Variants in LRP1B observed in about 807,000 individuals in gnomAD.
LRP1B encodes the protein low-density lipoprotein receptor-related protein 1B.
A neutral mutation model predicts 556.6 loss-of-function variants in LRP1B; 217 were observed. The ratio of observed to expected loss-of-function variants is 0.39; its 90% CI spans 0.35 to 0.44. LRP1B has a LOEUF of 0.44. Among genes scored for constraint, LRP1B ranks in the 20% least tolerant of loss-of-function variants. The pLI, the probability that LRP1B is intolerant of heterozygous loss-of-function variation, is 1.00. For missense variants in LRP1B, 5,053 were observed against 5,620.8 expected (o/e 0.90, Z 3.23); for synonymous variants, 2,047 against 1,865.8 (o/e 1.10, Z -2.50).
intron 47 of LRP1B, among the ~76,000 whole-genome samples, chr2:140,529,432 A>AGGG (rs201815905): frequency 6.3e-4 from 63 of 99,348 alleles, no homozygotes; most frequent in African/African-American, 2.9e-3. Context: ...GAAGCTGAAA[A>AGGG]GGGGGGGGGG....
intron 2 of LRP1B, among the ~76,000 whole-genome samples, chr2:141,543,765 A>G (rs1243060426): frequency 1.3e-5 from 2 of 151,964 alleles, no homozygotes; most frequent in East Asian, 3.9e-4. Context: ...ACAGATAAAC[A>G]AAAACTTATT....
chr2:141,066,306 G>A (rs1699479933), intron 7 of LRP1B, among the ~76,000 whole-genome samples: 1 of 151,848 alleles, frequency 6.6e-6, no homozygotes, highest in Non-Finnish European at 1.5e-5. Flanking sequence ...GTGATTATAT[G>A]AGCAGCCCCG....
At chr2:141,154,202 C>A (rs572946744) in intron 7 of LRP1B, among the ~76,000 whole-genome samples, 6 of 151,988 alleles carry the variant, frequency 3.9e-5, no homozygotes, top group African/African-American at 1.4e-4. Context: ...GTTTCTAACT[C>A]TGTTACTGAC....
chr2:141,146,544 T>C (rs899706345), intron 7 of LRP1B, among the ~76,000 whole-genome samples: 5 of 152,202 alleles, frequency 3.3e-5, no homozygotes, highest in Non-Finnish European at 7.4e-5. Flanking sequence ...TATTTCTTAC[T>C]TCACAAATGT....
At chr2:141,413,556 A>G (rs1013391152) in intron 3 of LRP1B, among the ~76,000 whole-genome samples, 2 of 152,184 alleles carry the variant, frequency 1.3e-5, no homozygotes, top group African/African-American at 4.8e-5. Flanking sequence ...GAACATCAAG[A>G]TAATAAATTT....
At chr2:142,001,670 T>C (rs911956968) in intron 1 of LRP1B, among the ~76,000 whole-genome samples, 2 of 152,210 alleles carry the variant, frequency 1.3e-5, no homozygotes, top group Non-Finnish European at 2.9e-5. Context: ...TCTCCGTTTA[T>C]TAAATGTTGA....
intron 66 of LRP1B, among the ~76,000 whole-genome samples, chr2:140,422,641 G>C (rs912389591): frequency 7.2e-5 from 11 of 152,122 alleles, no homozygotes; most frequent in Non-Finnish European, 1.5e-4. Context: ...AAAGGATAAC[G>C]TTAGGTTATT....
intron 32 of LRP1B, among the ~76,000 whole-genome samples, chr2:140,791,063 G>A (rs1009171476): frequency 6.6e-6 from 1 of 151,746 alleles, no homozygotes; most frequent in African/African-American, 2.4e-5. Flanking sequence ...AGACCATCCT[G>A]GCCAACATGG....
intron 37 of LRP1B, 67 bp downstream of exon 37, chr2:140,715,905 GT>G (rs939138523): frequency 1.3e-5 from 17 of 1,302,240 alleles, no homozygotes; most frequent in East Asian, 9.5e-5. Flanking sequence ...AAAGTAATTA[GT>G]TTTTTTTCAA....
chr2:141,990,706 C>T (rs1227805807), intron 1 of LRP1B, among the ~76,000 whole-genome samples: 1 of 151,996 alleles, frequency 6.6e-6, no homozygotes, highest in Non-Finnish European at 1.5e-5. Flanking sequence ...ATTTTTAATG[C>T]ATACAATATT....
At chr2:141,310,787 T>C (rs1312820108) in intron 3 of LRP1B, among the ~76,000 whole-genome samples, 1 of 152,204 alleles carries the variant, frequency 6.6e-6, no homozygotes, top group African/African-American at 2.4e-5. Context: ...TGAAATACAT[T>C]GATGCCCATG....
At position 141,792,701 on chromosome 2, in the gene LRP1B, G is replaced by A. The variant is rs72987310; in HGVS notation, c.205+17578C>T. Among the ~76,000 whole-genome samples the A allele has an allele frequency of 2.5e-3, 383 of 151,990 alleles. 1 individual carries two copies. The highest frequency in any genetic ancestry group is 8.5e-3 in the African/African-American group (353 of 41,498). Reference sequence around the variant, plus strand: ...GGACACTTCATTTCTATTTCTATGAGGTCCATCCTATGACACACAAATCAG... The same window carrying A: ...GGACACTTCATTTCTATTTCTATGAAGTCCATCCTATGACACACAAATCAG... On this transcript the variant is annotated intron_variant, in intron 2 of 90. Transcript: ENST00000389484.
intron 2 of LRP1B, among the ~76,000 whole-genome samples, chr2:141,572,605 T>C (rs1305536823): frequency 6.6e-6 from 1 of 152,114 alleles, no homozygotes; most frequent in Non-Finnish European, 1.5e-5. Context: ...TATAAATGGC[T>C]AAATACTCCA....
intron 1 of LRP1B, among the ~76,000 whole-genome samples, chr2:141,945,716 T>C (rs1235975964): frequency 6.6e-6 from 1 of 152,038 alleles, no homozygotes; most frequent in Non-Finnish European, 1.5e-5. Context: ...ATTTTTCCCA[T>C]TCCCTGCCTC....
At chr2:141,862,835 G>A (rs1698291909) in intron 1 of LRP1B, among the ~76,000 whole-genome samples, 1 of 152,186 alleles carries the variant, frequency 6.6e-6, no homozygotes, top group South Asian at 2.1e-4. Context: ...TTCTCTTAGA[G>A]AATACACCCA....
At chr2:140,466,338 A>G (rs962086867) in intron 60 of LRP1B, among the ~76,000 whole-genome samples, 2 of 152,140 alleles carry the variant, frequency 1.3e-5, no homozygotes, top group Non-Finnish European at 2.9e-5. Context: ...TCCAAAATTA[A>G]TTAGACTAAC....
At chr2:140,456,800 C>A (rs1687124975) in intron 61 of LRP1B, among the ~76,000 whole-genome samples, 197 bp from the exon 62 acceptor site, 1 of 152,048 alleles carries the variant, frequency 6.6e-6, no homozygotes, top group Non-Finnish European at 1.5e-5. Flanking sequence ...TTAATTCTAC[C>A]ATTCAATAAT....
intron 6 of LRP1B, among the ~76,000 whole-genome samples, chr2:141,227,062 T>A (rs563595476): frequency 5.3e-4 from 81 of 152,268 alleles, no homozygotes; most frequent in Non-Finnish European, 7.6e-4. Flanking sequence ...ACAAAATATA[T>A]GTTTCTAGGT....
intron 82 of LRP1B, among the ~76,000 whole-genome samples, chr2:140,320,779 A>G (rs534838248): frequency 2.0e-5 from 3 of 152,190 alleles, no homozygotes; most frequent in East Asian, 3.9e-4. Flanking sequence ...GTGGGGGTTC[A>G]TGCCTGTAAT....
Sources: allele counts gnomAD v4.1 joint callset (sites outside exome capture counted in the v4.1 genomes callset), GRCh38; gene constraint gnomAD v4.1.1; transcripts MANE v1.5; gene names NCBI Gene and HGNC (gene_info 2026-07-23, HGNC 2026-07-21).